Variants in CPPED1 observed in about 807,000 individuals in gnomAD.
The protein encoded by CPPED1 is calcineurin like phosphoesterase domain containing 1.
Under a neutral mutation model 28.0 loss-of-function variants are expected in CPPED1, and 28 were observed. The ratio of observed to expected loss-of-function variants is 1.00; its 90% CI spans 0.74 to 1.37. The LOEUF is 1.37. Among genes scored for constraint, CPPED1 ranks in the 40% most tolerant of loss-of-function variants. The pLI, the probability that CPPED1 is intolerant of heterozygous loss-of-function variation, is 0.00. For synonymous variants in CPPED1, 198 were observed against 180.2 expected, an observed-to-expected ratio of 1.10 and a Z score of -0.79; for missense variants, 504 against 416.5, an observed-to-expected ratio of 1.21 and a Z score of -1.83.
chr16:12,746,433 T>C (rs1024743242), intron 2 of CPPED1, among the ~76,000 whole-genome samples: 1 of 135,974 alleles, frequency 7.4e-6, no homozygotes, highest in African/African-American at 2.7e-5. Flanking sequence ...AAAACAAAGG[T>C]AACATAAAAA....
chr16:12,799,724 G>C (rs1481723083), intron 1 of CPPED1, among the ~76,000 whole-genome samples: 1 of 152,170 alleles, frequency 6.6e-6, no homozygotes, highest in Non-Finnish European at 1.5e-5. Context: ...GCAATGGTAG[G>C]CTAGGGTTCA....
chr16:12,698,857 G>T (rs555405295), intron 3 of CPPED1, among the ~76,000 whole-genome samples: 3 of 152,122 alleles, frequency 2.0e-5, no homozygotes, highest in Non-Finnish European at 4.4e-5. Context: ...AACTTTTGCG[G>T]GGAAGATCAA....
At chr16:12,717,834 G>A (rs2080115614) in intron 2 of CPPED1, among the ~76,000 whole-genome samples, 2 of 151,914 alleles carry the variant, frequency 1.3e-5, no homozygotes, top group South Asian at 4.2e-4. Flanking sequence ...TAGAGGCAGG[G>A]TTTCACCATG....
intron 2 of CPPED1, among the ~76,000 whole-genome samples, chr16:12,761,520 C>T (rs2080409973): frequency 6.6e-6 from 1 of 152,146 alleles, no homozygotes; most frequent in African/African-American, 2.4e-5. Context: ...ACATTAGTAA[C>T]AAGCTCTTCT....
rs1293990640 is a variant in CPPED1 at position 12,781,176 on chromosome 16, G to A, written c.289+9C>T. On this transcript the variant is annotated intron_variant, in intron 2 of 3. Transcript: ENST00000381774. ...GAGAAAAGGTCACAAGCGATGACCC[G>A]AGTCTTACCTGGCATGGCGTGGATG... 8.7e-6 allele frequency: 14 copies of A among 1,609,062 alleles called. No homozygotes were observed. The highest frequency in any genetic ancestry group is 5.5e-5 in the South Asian group (5 of 90,378).
intron 2 of CPPED1, among the ~76,000 whole-genome samples, chr16:12,735,396 A>T (rs1157726578): frequency 6.6e-6 from 1 of 152,176 alleles, no homozygotes; most frequent in Non-Finnish European, 1.5e-5. Context: ...GGTTCAACTG[A>T]TTCTCCCGCC....
In CPPED1 at chr16:12,803,809, C is replaced by G. The variant is rs1474523007; in HGVS notation, c.-33G>C. ...GAGTTTCTGGCCTTCACTTAGAACACTGCGTGGGTGGAAGCCGCGCGACTT... is the reference window on the plus strand; with the variant it reads ...GAGTTTCTGGCCTTCACTTAGAACAGTGCGTGGGTGGAAGCCGCGCGACTT... On this transcript the variant is annotated 5_prime_UTR_variant, in exon 1 of 4. Transcript: ENST00000381774. 6.3e-7 allele frequency: 1 copy of G among 1,582,038 alleles called. No homozygotes were observed. Among genetic ancestry groups the G allele is most frequent in the South Asian group, 1.1e-5 (1 of 87,142 alleles).
chr16:12,721,421 C>CTGCT (rs1291593810), intron 2 of CPPED1, among the ~76,000 whole-genome samples: 1 of 152,152 alleles, frequency 6.6e-6, no homozygotes, highest in African/African-American at 2.4e-5. Flanking sequence ...GACCACCCCT[C>CTGCT]TGCTTGCTGG....
intron 3 of CPPED1, among the ~76,000 whole-genome samples, chr16:12,701,692 C>A (rs549593472): frequency 6.6e-6 from 1 of 152,114 alleles, no homozygotes; most frequent in African/African-American, 2.4e-5. Flanking sequence ...CAGTTACACA[C>A]CCATCTTGCT....
chr16:12,684,203 G>A (rs2079920865), intron 3 of CPPED1, among the ~76,000 whole-genome samples: 4 of 152,144 alleles, frequency 2.6e-5, no homozygotes. Flanking sequence ...GGTAAACTGA[G>A]CAGAGCCATC....
At chr16:12,793,992 C>G (rs9302489) in intron 1 of CPPED1, among the ~76,000 whole-genome samples, 39,355 of 151,936 alleles carry the variant, frequency 0.26, 6,542 homozygotes, top group African/African-American at 0.47. Context: ...CTAAATGTCT[C>G]CAGCAATACC....
chr16:12,698,752 A>G (rs2080005329), intron 3 of CPPED1, among the ~76,000 whole-genome samples: 1 of 152,210 alleles, frequency 6.6e-6, no homozygotes, highest in Non-Finnish European at 1.5e-5. Context: ...TCTTAAAACT[A>G]TAACCATGGA....
rs550350840 is a variant in CPPED1, at chr16:12,694,685, G to C, written c.715+9939C>G. On this transcript the variant is annotated intron_variant, in intron 3 of 3. Coordinates refer to ENST00000381774, the MANE Select transcript of CPPED1 (RefSeq NM_018340.3). Reference sequence around the variant, plus strand: ...CAAAGAGGGTAAACTTCCTCTAGCTGATAAGGTCCCACAAACTCTGGATTC... The same window carrying C: ...CAAAGAGGGTAAACTTCCTCTAGCTCATAAGGTCCCACAAACTCTGGATTC... Among the ~76,000 whole-genome samples the C allele has an allele frequency of 1.4e-4, 17 of 125,160 alleles. No homozygotes were observed. The Admixed American group carries it at 1.7e-3, about 12-fold the overall frequency. 82.1% of individuals were successfully genotyped at this position (125,160 alleles called of 152,430 possible).
intron 1 of CPPED1, among the ~76,000 whole-genome samples, chr16:12,787,670 G>C (rs2080572448): frequency 6.6e-6 from 1 of 151,618 alleles, no homozygotes; most frequent in Non-Finnish European, 1.5e-5. Context: ...CTCCCAAAGT[G>C]CTGAGATTAC....
At chr16:12,736,528 C>T (rs371193856) in intron 2 of CPPED1, among the ~76,000 whole-genome samples, 41 of 152,176 alleles carry the variant, frequency 2.7e-4, no homozygotes, top group African/African-American at 9.6e-4. Flanking sequence ...TGTGAGCCAC[C>T]GCACCTGGCC....
intron 1 of CPPED1, among the ~76,000 whole-genome samples, chr16:12,782,057 G>A (rs1188426451): frequency 6.6e-6 from 1 of 152,038 alleles, no homozygotes; most frequent in African/African-American, 2.4e-5. Flanking sequence ...GGCTGGGGGT[G>A]GGGACTCTTT....
chr16:12,789,966 T>C, intron 1 of CPPED1, among the ~76,000 whole-genome samples: 1 of 152,158 alleles, frequency 6.6e-6, no homozygotes, highest in East Asian at 1.9e-4. Flanking sequence ...GGCTAACTTA[T>C]AAAAGACTGT....
intron 2 of CPPED1, among the ~76,000 whole-genome samples, chr16:12,725,432 G>A (rs1450776982): frequency 1.3e-5 from 2 of 152,172 alleles, no homozygotes; most frequent in South Asian, 4.1e-4. Flanking sequence ...GAAGGGACTT[G>A]TAAGTGAAGA....
chr16:12,707,917 C>T (rs370946360), intron 2 of CPPED1, among the ~76,000 whole-genome samples: 14 of 152,254 alleles, frequency 9.2e-5, no homozygotes, highest in African/African-American at 2.4e-4. Flanking sequence ...GAGGCCTAGG[C>T]GGGCAGACAA....
Sources: allele counts gnomAD v4.1 joint callset (sites outside exome capture counted in the v4.1 genomes callset), GRCh38; gene constraint gnomAD v4.1.1; transcripts MANE v1.5; gene names NCBI Gene and HGNC (gene_info 2026-07-23, HGNC 2026-07-21).